Variants in NTM observed in about 807,000 individuals in gnomAD.
The protein encoded by NTM is neurotrimin.
Under a neutral mutation model 42.1 loss-of-function variants are expected in NTM, and 13 were observed. The ratio of observed to expected loss-of-function variants is 0.31; its 90% confidence interval spans 0.20 to 0.49. The LOEUF is 0.49. NTM is among the 20% of genes least tolerant of loss of function. NTM has a pLI of 0.99. For missense variants in NTM, 373 were observed against 452.8 expected (o/e 0.82, Z 1.60); for synonymous variants, 187 against 179.2 (o/e 1.04, Z -0.35).
At chr11:131,509,521 A>T (rs1381234906) in intron 1 of NTM, among the ~76,000 whole-genome samples, 1 of 152,220 alleles carries the variant, frequency 6.6e-6, no homozygotes, top group Non-Finnish European at 1.5e-5. Flanking sequence ...TTAAGCAAGC[A>T]GTTGCTGAGT....
At chr11:131,417,337 A>C (rs1277698002) in intron 1 of NTM, among the ~76,000 whole-genome samples, 1 of 152,252 alleles carries the variant, frequency 6.6e-6, no homozygotes, top group Non-Finnish European at 1.5e-5. Flanking sequence ...TGATCTAATT[A>C]GTATAACCTG....
At chr11:131,620,727 C>T (rs1383751414) in intron 1 of NTM, among the ~76,000 whole-genome samples, 3 of 152,212 alleles carry the variant, frequency 2.0e-5, no homozygotes, top group Non-Finnish European at 2.9e-5. Context: ...GGGTCCACCA[C>T]CTGCAGGCCT....
chr11:131,751,452 C>T (rs556293755), intron 1 of NTM, among the ~76,000 whole-genome samples: 8 of 151,922 alleles, frequency 5.3e-5, no homozygotes, highest in East Asian at 2.0e-4. Flanking sequence ...TAGCCGGGCG[C>T]GGTGGCGGGC....
intron 1 of NTM, among the ~76,000 whole-genome samples, chr11:131,683,928 A>G (rs2073414015): frequency 6.6e-6 from 1 of 152,104 alleles, no homozygotes; most frequent in African/African-American, 2.4e-5. Context: ...ATGTACTTGC[A>G]CTTAGAAAGG....
At chr11:131,596,267 T>G (rs2059802372) in intron 1 of NTM, among the ~76,000 whole-genome samples, 1 of 152,210 alleles carries the variant, frequency 6.6e-6, no homozygotes, top group Non-Finnish European at 1.5e-5. Context: ...GTTGTCAAAT[T>G]CAAGATTATT....
chr11:132,122,637 C>G (rs1364908640), intron 2 of NTM, among the ~76,000 whole-genome samples: 2 of 152,140 alleles, frequency 1.3e-5, no homozygotes, highest in African/African-American at 4.8e-5. Flanking sequence ...AGCAGCAGTG[C>G]CACCTCATAA....
chr11:131,971,885 A>G (rs2063582513), intron 2 of NTM, among the ~76,000 whole-genome samples: 1 of 139,956 alleles, frequency 7.1e-6, no homozygotes, highest in Admixed American at 7.4e-5. Flanking sequence ...TCTACTAAAA[A>G]TACAAAAAAA....
intron 1 of NTM, among the ~76,000 whole-genome samples, chr11:131,735,880 A>G (rs2080368427): frequency 6.8e-6 from 1 of 148,090 alleles, no homozygotes; most frequent in Admixed American, 6.7e-5. Context: ...GTGTGTATAA[A>G]AAAATATATG....
intron 1 of NTM, among the ~76,000 whole-genome samples, chr11:131,609,474 C>G (rs2061296525): frequency 6.6e-6 from 1 of 152,218 alleles, no homozygotes; most frequent in Non-Finnish European, 1.5e-5. Flanking sequence ...TCTCTTATTT[C>G]AATTTCCCCA....
At chr11:131,800,281 C>T (rs2091992069) in intron 1 of NTM, among the ~76,000 whole-genome samples, 1 of 152,172 alleles carries the variant, frequency 6.6e-6, no homozygotes, top group African/African-American at 2.4e-5. Flanking sequence ...GTGGAGTTTC[C>T]CATTTTACTG....
chr11:131,795,058 A>AC, intron 1 of NTM: 2 of 787,522 alleles, frequency 2.5e-6, no homozygotes, highest in Non-Finnish European at 3.1e-6. Flanking sequence ...AAAAAACAGC[A>AC]CTAGTGATGT....
chr11:131,879,323 G>A (rs189135436), intron 1 of NTM, among the ~76,000 whole-genome samples: 20 of 152,202 alleles, frequency 1.3e-4, no homozygotes, highest in East Asian at 9.7e-4. Context: ...GCGTCCACCC[G>A]TCCCGCAGTG....
chr11:131,899,843 C>T (rs1022631085), intron 1 of NTM, among the ~76,000 whole-genome samples: 3 of 152,124 alleles, frequency 2.0e-5, no homozygotes, highest in Non-Finnish European at 2.9e-5. Flanking sequence ...CCTTATACAT[C>T]GTGAATACCA....
At chr11:132,124,076 T>G (rs2065270415) in intron 2 of NTM, among the ~76,000 whole-genome samples, 1 of 152,198 alleles carries the variant, frequency 6.6e-6, no homozygotes, top group Non-Finnish European at 1.5e-5. Flanking sequence ...AGTGGCCGTG[T>G]GGCTCACATA....
intron 1 of NTM, among the ~76,000 whole-genome samples, chr11:131,442,849 A>G (rs1462085396): frequency 2.6e-5 from 4 of 151,894 alleles, no homozygotes; most frequent in Non-Finnish European, 5.9e-5. Context: ...AGACACACAC[A>G]AACACCACAT....
chr11:131,971,729 A>AC (rs1156669945), intron 2 of NTM, among the ~76,000 whole-genome samples: 1 of 132,466 alleles, frequency 7.5e-6, no homozygotes, highest in South Asian at 2.7e-4. Context: ...ACATTCTGAG[A>AC]CCCCACCTCT....
At chr11:131,878,050 G>A (rs1176270652) in intron 1 of NTM, 2 of 152,064 alleles carry the variant, frequency 1.3e-5, no homozygotes, top group African/African-American at 4.8e-5. Context: ...TGTGTTCTTT[G>A]TTACCATTCT....
At chr11:131,760,781 G>A (rs1356743800) in intron 1 of NTM, among the ~76,000 whole-genome samples, 1 of 152,102 alleles carries the variant, frequency 6.6e-6, no homozygotes, top group African/African-American at 2.4e-5. Flanking sequence ...AAGGGTCGCC[G>A]GGGTGACTAA....
intron 2 of NTM, among the ~76,000 whole-genome samples, chr11:132,049,814 A>G (rs1226444955): frequency 1.3e-5 from 2 of 152,150 alleles, no homozygotes; most frequent in African/African-American, 4.8e-5. Context: ...ATGGCCACCA[A>G]GGTTTTTGCC....
Sources: allele counts gnomAD v4.1 joint callset (sites outside exome capture counted in the v4.1 genomes callset), GRCh38; gene constraint gnomAD v4.1.1; transcripts MANE v1.5; gene names NCBI Gene and HGNC (gene_info 2026-07-23, HGNC 2026-07-21).